Variants in SLX4IP observed in about 807,000 individuals in gnomAD.
SLX4IP encodes the protein protein SLX4IP.
A neutral mutation model predicts 32.9 loss-of-function variants in SLX4IP; 34 were observed. The observed-to-expected ratio is 1.03, with a 90% confidence interval of 0.79 to 1.38. The LOEUF (loss-of-function observed/expected upper bound fraction) is 1.38, where lower values mean the gene tolerates loss of function less well. Among genes scored for constraint, SLX4IP ranks in the 40% most tolerant of loss-of-function variants. The pLI, the probability that SLX4IP is intolerant of heterozygous loss-of-function variation, is 0.00. For synonymous variants in SLX4IP, 172 were observed against 171.7 expected (o/e 1.00, Z -0.01); for missense variants, 444 against 479.0 (o/e 0.93, Z 0.68).
Position 10,569,764 on chromosome 20 carries a change from T to G in SLX4IP, c.238+8944T>G, listed in dbSNP as rs79991099. Among the ~76,000 whole-genome samples the G allele has an allele frequency of 3.7e-3, 569 of 152,320 alleles. 3 individuals carry two copies. Among genetic ancestry groups the G allele is most frequent in the African/African-American group, 0.013 (545 of 41,578 alleles). On this transcript the variant is annotated intron_variant, in intron 4 of 7. Transcript: ENST00000334534. ...TCTTCTGAGGCCTCTCTCCTTGGCT[T>G]GTCGATGGCCGTCCTCTCCCTTTGT... is the stretch of plus-strand genomic sequence containing the variant.
intron 2 of SLX4IP, among the ~76,000 whole-genome samples, chr20:10,484,488 G>T (rs187036770): frequency 4.7e-4 from 71 of 152,162 alleles, no homozygotes; most frequent in African/African-American, 1.6e-3. Context: ...CTTCTCAATG[G>T]TCAGCTTTTT....
intron 2 of SLX4IP, among the ~76,000 whole-genome samples, chr20:10,503,989 A>G (rs1461241613): frequency 6.6e-6 from 1 of 152,224 alleles, no homozygotes; most frequent in African/African-American, 2.4e-5. Flanking sequence ...ATTCACAGGT[A>G]TTGGGAGTTA....
chr20:10,586,394 G>T (rs192345346), intron 4 of SLX4IP, among the ~76,000 whole-genome samples: 11 of 152,144 alleles, frequency 7.2e-5, no homozygotes, highest in Admixed American at 1.3e-4. Context: ...GCCTTATTTG[G>T]ATATGGTTCA....
chr20:10,480,692 A>T (rs1277110565), intron 2 of SLX4IP, among the ~76,000 whole-genome samples: 1 of 152,244 alleles, frequency 6.6e-6, no homozygotes, highest in Non-Finnish European at 1.5e-5. Flanking sequence ...TGAAATTAAA[A>T]TAGCCTAGAA....
intron 7 of SLX4IP, 113 bp from the exon 8 acceptor site, chr20:10,622,546 G>A (rs1600166743): frequency 7.0e-7 from 1 of 1,438,140 alleles, no homozygotes; most frequent in Middle Eastern, 2.6e-4. Context: ...GAAGCGAGAG[G>A]GCAGGTAGTG....
At chr20:10,609,767 A>C (rs754760955) in intron 6 of SLX4IP, among the ~76,000 whole-genome samples, 3 of 152,140 alleles carry the variant, frequency 2.0e-5, no homozygotes, top group Admixed American at 6.5e-5. Context: ...CTTTTCAACC[A>C]CAGGCCTTTG....
intron 6 of SLX4IP, 116 bp from the exon 7 acceptor site, chr20:10,621,198 T>A (rs1011802673): frequency 2.2e-6 from 2 of 917,028 alleles, no homozygotes; most frequent in Admixed American, 4.2e-5. Context: ...CACTGAGCAG[T>A]TTCATTCAGT....
At chr20:10,532,950 T>C (rs995387205) in intron 2 of SLX4IP, among the ~76,000 whole-genome samples, 13 of 152,196 alleles carry the variant, frequency 8.5e-5, no homozygotes, top group African/African-American at 3.1e-4. Flanking sequence ...TAATTATTTT[T>C]ATTTTTAGTA....
At chr20:10,496,734 G>A (rs1388396851) in intron 2 of SLX4IP, among the ~76,000 whole-genome samples, 1 of 152,104 alleles carries the variant, frequency 6.6e-6, no homozygotes, top group Non-Finnish European at 1.5e-5. Context: ...TCTGGGAGTA[G>A]CACCCAAGGG....
chr20:10,627,611 C>T lies in SLX4IP; in HGVS notation c.*4232C>T, dbSNP rs903050805. The T allele has an allele frequency of 6.6e-6, 1 of 152,300 alleles. No homozygotes were observed. Among genetic ancestry groups the T allele is most frequent in the African/African-American group, 2.4e-5 (1 of 41,558 alleles). 9.4% of individuals were successfully genotyped at this position (152,300 alleles called of 1,614,324 possible). Reference sequence around the variant, plus strand: ...AGGGGACTTGAATGGATAAAATTATCTTTAATTATCTAGAGCTACCCAGTA... The same window carrying T: ...AGGGGACTTGAATGGATAAAATTATTTTTAATTATCTAGAGCTACCCAGTA... On this transcript the variant is annotated 3_prime_UTR_variant, in exon 8 of 8. Coordinates refer to ENST00000334534, the MANE Select transcript of SLX4IP (RefSeq NM_001009608.3).
chr20:10,465,506 T>C (rs926193391), intron 2 of SLX4IP, among the ~76,000 whole-genome samples: 2 of 152,230 alleles, frequency 1.3e-5, no homozygotes, highest in African/African-American at 4.8e-5. Context: ...CTTTTATTTA[T>C]CTATTTTTTT....
chr20:10,578,441 G>T (rs1307040844), intron 4 of SLX4IP, among the ~76,000 whole-genome samples: 1 of 152,128 alleles, frequency 6.6e-6, no homozygotes, highest in Non-Finnish European at 1.5e-5. Context: ...TACAAATAAT[G>T]TTCCATGGTA....
At chr20:10,466,304 C>T (rs1318577896) in intron 2 of SLX4IP, among the ~76,000 whole-genome samples, 3 of 152,188 alleles carry the variant, frequency 2.0e-5, no homozygotes, top group African/African-American at 7.2e-5. Flanking sequence ...CCCAGCGGAG[C>T]AGTGCTGTGA....
chr20:10,557,157 T>C (rs564262487), intron 3 of SLX4IP, among the ~76,000 whole-genome samples: 9 of 152,318 alleles, frequency 5.9e-5, no homozygotes, highest in African/African-American at 2.2e-4. Context: ...ATCAGATTTG[T>C]TAAAATATAG....
chr20:10,604,040 C>G (rs1390036891), intron 6 of SLX4IP, among the ~76,000 whole-genome samples: 2 of 152,240 alleles, frequency 1.3e-5, no homozygotes, highest in African/African-American at 4.8e-5. Context: ...TTCCATACTT[C>G]AAATGCCCAC....
At chr20:10,494,614 T>C (rs150730226) in intron 2 of SLX4IP, among the ~76,000 whole-genome samples, 147 of 152,232 alleles carry the variant, frequency 9.7e-4, no homozygotes, top group Non-Finnish European at 1.4e-3. Flanking sequence ...CTGCTTAGTT[T>C]TTCTGGTGAG....
intron 2 of SLX4IP, among the ~76,000 whole-genome samples, chr20:10,510,511 T>C (rs1200738514): frequency 6.6e-6 from 1 of 152,196 alleles, no homozygotes; most frequent in African/African-American, 2.4e-5. Context: ...CCAGCTCTAC[T>C]AAAGATAGAG....
intron 6 of SLX4IP, among the ~76,000 whole-genome samples, chr20:10,606,955 A>G (rs1275539905): frequency 6.6e-6 from 1 of 152,120 alleles, no homozygotes; most frequent in East Asian, 1.9e-4. Context: ...TCAGTGCTGT[A>G]TGGTAGGATG....
intron 2 of SLX4IP, among the ~76,000 whole-genome samples, chr20:10,533,948 T>C (rs2066014038): frequency 6.6e-6 from 1 of 152,074 alleles, no homozygotes; most frequent in South Asian, 2.1e-4. Context: ...ATTTTCACCA[T>C]TAATTTTGTG....
Sources: allele counts gnomAD v4.1 joint callset (sites outside exome capture counted in the v4.1 genomes callset), GRCh38; gene constraint gnomAD v4.1.1; transcripts MANE v1.5; gene names NCBI Gene and HGNC (gene_info 2026-07-23, HGNC 2026-07-21).